Variants in ALPK1 observed in about 807,000 individuals in gnomAD.
ALPK1 encodes alpha-protein kinase 1.
A neutral mutation model predicts 120.6 loss-of-function variants in ALPK1; 110 were observed. The ratio of observed to expected loss-of-function variants is 0.91; its 90% CI spans 0.78 to 1.07. The LOEUF is 1.07. Ranked by LOEUF, ALPK1 falls within the 50% of genes least tolerant of loss-of-function variation. The pLI is 0.00. For synonymous variants in ALPK1, 582 were observed against 560.3 expected, an observed-to-expected ratio of 1.04 and a Z score of -0.55; for missense variants, 1,498 against 1,483.9, an observed-to-expected ratio of 1.01 and a Z score of -0.16.
At chr4:112,326,657 T>C (rs1729131430) in intron 2 of ALPK1, among the ~76,000 whole-genome samples, 1 of 152,176 alleles carries the variant, frequency 6.6e-6, no homozygotes, top group Non-Finnish European at 1.5e-5. Flanking sequence ...CCAAAACTAG[T>C]TTGGGTGTCT....
chr4:112,427,877 A>C, intron 9 of ALPK1: 1 of 408,674 alleles, frequency 2.4e-6, no homozygotes, highest in Non-Finnish European at 4.4e-6. Flanking sequence ...ACACTCAGAG[A>C]GTGCTCAGAA....
intron 4 of ALPK1, among the ~76,000 whole-genome samples, chr4:112,404,944 T>A (rs1733099911): frequency 6.6e-6 from 1 of 152,324 alleles, no homozygotes; most frequent in South Asian, 2.1e-4. Context: ...CCATGCCCTG[T>A]AAATGACAAG....
intron 2 of ALPK1, among the ~76,000 whole-genome samples, chr4:112,331,095 T>C (rs1464788674): frequency 6.6e-6 from 1 of 152,144 alleles, no homozygotes; most frequent in African/African-American, 2.4e-5. Context: ...CATTCAATAG[T>C]GGTGTGGTAG....
At position 112,432,546 on chromosome 4, in the gene ALPK1, G is replaced by C; in HGVS notation, c.2999G>C (p.Gly1000Ala). 6.2e-7 allele frequency: 1 copy of C among 1,613,688 alleles called. No homozygotes were observed. The highest frequency in any genetic ancestry group is 1.3e-5 in the African/African-American group (1 of 75,008). Residue 1000 changes from glycine to alanine, a missense_variant, in exon 11 of 16, where the codon GGG (glycine) becomes GCG (alanine). By Grantham distance (60) the Gly-to-Ala change is moderately conservative (BLOSUM62 0). Coordinates refer to ENST00000650871, the MANE Select transcript of ALPK1 (RefSeq NM_025144.4). Reference protein sequence around the residue: ...DWLFQRLENTGVFKPSQLHRA... With the variant: ...DWLFQRLENTAVFKPSQLHRA... ...CTGTTTCAGAGACTAGAGAATACGG[G>C]GGTTTTTAAGCCCAGTCAACTCCAC...
intron 2 of ALPK1, chr4:112,356,799 T>C: frequency 4.1e-6 from 3 of 732,664 alleles, no homozygotes; most frequent in South Asian, 1.3e-5. Context: ...ATCGTCTTCA[T>C]CCCATACAGT....
At chr4:112,345,371 T>C (rs1366775468) in intron 2 of ALPK1, among the ~76,000 whole-genome samples, 2 of 152,060 alleles carry the variant, frequency 1.3e-5, no homozygotes, top group Non-Finnish European at 2.9e-5. Flanking sequence ...TGGATGTGGG[T>C]GGAATGGGGC....
At chr4:112,381,294 T>C (rs1168884852) in intron 3 of ALPK1, among the ~76,000 whole-genome samples, 1 of 152,154 alleles carries the variant, frequency 6.6e-6, no homozygotes, top group Non-Finnish European at 1.5e-5. Context: ...GGGTTTCAGA[T>C]TCGGGGAACT....
intron 2 of ALPK1, among the ~76,000 whole-genome samples, chr4:112,336,441 T>C (rs892542125): frequency 6.6e-6 from 1 of 152,228 alleles, no homozygotes; most frequent in African/African-American, 2.4e-5. Context: ...AGCAAGTTGC[T>C]CAATCTCTTT....
chr4:112,357,471 G>T, intron 2 of ALPK1: 1 of 718,420 alleles, frequency 1.4e-6, no homozygotes. Context: ...AGCGAGGGAA[G>T]GTGCTGAGCT....
intron 2 of ALPK1, among the ~76,000 whole-genome samples, chr4:112,373,737 T>G (rs931803801): frequency 6.6e-6 from 1 of 151,976 alleles, no homozygotes; most frequent in African/African-American, 2.4e-5. Context: ...AAAATTAAAA[T>G]TAAAAAAAGG....
chr4:112,344,447 G>A lies in ALPK1; in HGVS notation c.-101+28595G>A, dbSNP rs540839820. ...GTTAAAGTATGGAGTTTGATAATTT[G>A]GATCAGGCTAGGTAGAAATTGATTC... On this transcript the variant is annotated intron_variant, in intron 2 of 15. Coordinates refer to ENST00000650871, the MANE Select transcript of ALPK1 (RefSeq NM_025144.4). 5.3e-5 allele frequency among the ~76,000 whole-genome samples: 8 copies of A among 152,224 alleles called. No homozygotes were observed. In the South Asian group the frequency reaches 1.0e-3, roughly 20 times the overall value.
chr4:112,382,776 C>A, intron 4 of ALPK1: 1 of 562,392 alleles, frequency 1.8e-6, no homozygotes, highest in Non-Finnish European at 3.1e-6. Context: ...GAAGAGTGGT[C>A]AGTGAGTCTA....
At chr4:112,416,544 T>A (rs538638908) in intron 5 of ALPK1, among the ~76,000 whole-genome samples, 39 of 152,184 alleles carry the variant, frequency 2.6e-4, no homozygotes, top group Non-Finnish European at 4.9e-4. Context: ...GAGAAAATTA[T>A]GTCTTTACAC....
rs780840562 is a variant in ALPK1, at chr4:112,411,840, C to CCTCCATCCTCGCTCGGGA, written c.293_310dup (p.Ser98_Asp103dup). ...CTGTTCCTCCAGGCGTCCCTGAGGG[C>CCTCCATCCTCGCTCGGGA]CTCCATCCTCGCTCGGGACTGTGCG... is the stretch of plus-strand genomic sequence containing the variant. On this transcript the variant is annotated inframe_insertion, in exon 5 of 16. Transcript: ENST00000650871. 6.2e-7 allele frequency: 1 copy of CCTCCATCCTCGCTCGGGA among 1,612,260 alleles called. No individual in the cohort carries two copies. Among genetic ancestry groups the CCTCCATCCTCGCTCGGGA allele is most frequent in the South Asian group, 1.1e-5 (1 of 90,760 alleles).
At chr4:112,349,551 G>C (rs1041118851) in intron 2 of ALPK1, among the ~76,000 whole-genome samples, 654 of 103,446 alleles carry the variant, frequency 6.3e-3, no homozygotes, top group South Asian at 9.4e-3. Flanking sequence ...CCCAACCCCT[G>C]CCCCCCCCCG....
chr4:112,440,122 C>T (rs1734969743), intron 14 of ALPK1, among the ~76,000 whole-genome samples: 1 of 152,150 alleles, frequency 6.6e-6, no homozygotes, highest in Non-Finnish European at 1.5e-5. Flanking sequence ...GGCTTTGTTC[C>T]AGAGCATCTC....
At chr4:112,409,536 G>C (rs1733352836) in intron 4 of ALPK1, among the ~76,000 whole-genome samples, 1 of 151,814 alleles carries the variant, frequency 6.6e-6, no homozygotes, top group African/African-American at 2.4e-5. Context: ...AAATTATATA[G>C]ACGTCCCCAT....
At chr4:112,303,909 C>A (rs1254399581) in intron 1 of ALPK1, among the ~76,000 whole-genome samples, 1 of 152,080 alleles carries the variant, frequency 6.6e-6, no homozygotes, top group Admixed American at 6.6e-5. Flanking sequence ...ATTCCCCAAC[C>A]CCACTACAAG....
chr4:112,440,882 A>G (rs774489183), intron 14 of ALPK1, 35 bp from the exon 15 acceptor site: 12 of 1,568,742 alleles, frequency 7.6e-6, no homozygotes, highest in Non-Finnish European at 1.0e-5. Flanking sequence ...ATTTACAGGG[A>G]ATTTAATACT....
Sources: gnomAD v4.1 joint callset for allele counts (sites outside exome capture counted in the v4.1 genomes callset) on GRCh38, gnomAD v4.1.1 for gene constraint, MANE v1.5 for transcripts, NCBI Gene and HGNC (gene_info 2026-07-23, HGNC 2026-07-21) for gene names.